MSH6: variants seen among roughly 807,000 people sequenced by gnomAD.
The protein encoded by MSH6 is mutS homolog 6, also known as DNA mismatch repair protein Msh6.
A neutral mutation model predicts 119.1 loss-of-function variants in MSH6; 85 were observed. The observed-to-expected ratio is 0.71, with a 90% CI of 0.60 to 0.85. The LOEUF (loss-of-function observed/expected upper bound fraction) is 0.85, where lower values mean the gene tolerates loss of function less well. MSH6 is among the 40% of genes least tolerant of loss of function. The pLI is 0.00. For missense variants in MSH6, 2,163 were observed against 1,655.3 expected (o/e 1.31, Z -5.32); for synonymous variants, 830 against 586.9 (o/e 1.41, Z -5.99).
Position 47,800,081 on chromosome 2 carries a change from C to A in MSH6, c.2098C>A (p.Leu700Ile), listed in dbSNP as rs587779230. Residue 700 changes from leucine (L) to isoleucine (I), a missense_variant, in exon 4 of 10, where the codon CTT becomes ATT. Leu to Ile is a conservative substitution (Grantham distance 5). Coordinates refer to ENST00000234420, the MANE Select transcript of MSH6 (RefSeq NM_000179.3). ...YLKKCLIDQE[L>I]LSMANFEEYI... ...CAAAAAATGCCTTATTGATCAGGAG[C>A]TTTTATCAATGGCTAATTTTGAAGA... 6.2e-7 allele frequency: 1 copy of A among 1,614,094 alleles called. No homozygotes were observed. The highest frequency in any genetic ancestry group is 8.5e-7 in the Non-Finnish European group (1 of 1,180,026).
chr2:47,804,859 A>T (rs984565395), intron 5 of MSH6, 51 bp from the exon 6 acceptor site: 2 of 1,395,900 alleles, frequency 1.4e-6, no homozygotes, highest in East Asian at 2.3e-5. Context: ...ACAAAAGTTT[A>T]TGAAACTGTT....
In MSH6 at chr2:47,783,225, G is replaced by A. The variant is rs1558644641; in HGVS notation, c.-9G>A. ...CCGACAGAACGGTTGGGCCTTGCCG[G>A]CTGTCGGTATGTCGCGACAGAGCAC... On this transcript the variant is annotated 5_prime_UTR_variant, in exon 1 of 10. Transcript: ENST00000234420. 5.0e-6 allele frequency: 8 copies of A among 1,611,164 alleles called. No individual in the cohort carries two copies. The highest frequency in any genetic ancestry group is 6.8e-6 in the Non-Finnish European group (8 of 1,179,306).
chr2:47,801,360 A>ATTTTTTTTTTT (rs1220786181), intron 4 of MSH6: 82 of 58,314 alleles, frequency 1.4e-3, no homozygotes, highest in East Asian at 2.1e-3. Flanking sequence ...GCCTTTCTTC[A>ATTTTTTTTTTT]GTTTTTTTTT....
chr2:47,784,588 G>C (rs114513560), intron 1 of MSH6: 3 of 151,778 alleles, frequency 2.0e-5, no homozygotes, highest in Non-Finnish European at 4.4e-5. Flanking sequence ...TCAGCCTCCC[G>C]AGTAGTCGGG....
In MSH6 at chr2:47,791,000, A is replaced by T. The variant is rs864622397; in HGVS notation, c.334A>T (p.Asn112Tyr). The T allele has an allele frequency of 6.2e-7, 1 of 1,614,238 alleles. No individual in the cohort carries two copies. Among genetic ancestry groups the T allele is most frequent in the Non-Finnish European group, 8.5e-7 (1 of 1,180,050 alleles). The change falls in exon 2 of 10, where the codon AAC becomes TAC. Residue 112 changes from asparagine (N) to tyrosine (Y), a missense_variant. Asn to Tyr is a moderately radical substitution (Grantham distance 143). Coordinates refer to ENST00000234420, the MANE Select transcript of MSH6 (RefSeq NM_000179.3). ...CCCCTGGTGGCCTTGTCTGGTTTAC[A>T]ACCACCCCTTTGATGGAACATTCAT... Reference protein sequence around the residue: ...GYPWWPCLVYNHPFDGTFIRE... With the variant: ...GYPWWPCLVYYHPFDGTFIRE...
intron 3 of MSH6, among the ~76,000 whole-genome samples, chr2:47,796,592 A>C (rs762157423): frequency 8.5e-5 from 13 of 152,224 alleles, no homozygotes; most frequent in Non-Finnish European, 1.3e-4. Flanking sequence ...TTTTGCATTC[A>C]TAAGAATAGA....
In MSH6 at chr2:47,783,372, G is replaced by A. The variant is rs2103938286; in HGVS notation, c.139G>A (p.Asp47Asn). The change falls in exon 1 of 10, where the codon GAT becomes AAT. Residue 47 changes from aspartate to asparagine, a missense_variant. Asp to Asn is a conservative substitution (Grantham distance 23). Coordinates refer to ENST00000234420, the MANE Select transcript of MSH6 (RefSeq NM_000179.3). ...CGGGGCCTCTCCTTCCCCAGGCGGG[G>A]ATGCGGCCTGGAGCGAGGCTGGGCC... ...APGASPSPGG[D>N]AAWSEAGPGP... 2 of 1,600,204 alleles carry A rather than the reference G, an allele frequency of 1.2e-6. No homozygotes were observed. Among genetic ancestry groups the A allele is most frequent in the Non-Finnish European group, 1.7e-6 (2 of 1,173,488 alleles).
chr2:47,788,907 C>CTTTTTT lies in MSH6; in HGVS notation c.261-2011_261-2006dup, dbSNP rs1558650117. Among the ~76,000 whole-genome samples the CTTTTTT allele has an allele frequency of 2.3e-3, 39 of 17,274 alleles. 2 individuals are homozygous for CTTTTTT. The highest frequency in any genetic ancestry group is 2.9e-3 in the Non-Finnish European group (28 of 9,776). 11.3% of individuals were successfully genotyped at this position (17,274 alleles called of 152,430 possible). Reference sequence around the variant, plus strand: ...CTATTTCTTTCTTTCTTTCTTCTTCCTTTTTTTTTTTTTTGTTTTTTTTTT... The same window carrying CTTTTTT: ...CTATTTCTTTCTTTCTTTCTTCTTCCTTTTTTTTTTTTTTTTTTTTGTTTTTTTTTT... On this transcript the variant is annotated intron_variant, in intron 1 of 9. Transcript: ENST00000234420.
intron 1 of MSH6, among the ~76,000 whole-genome samples, chr2:47,788,847 T>C (rs1014580762): frequency 6.1e-5 from 9 of 147,118 alleles, no homozygotes; most frequent in African/African-American, 2.2e-4. Flanking sequence ...GCTGGGATTA[T>C]AGGAGTGAGC....
At chr2:47,805,789 G>A in intron 7 of MSH6, 82 bp downstream of exon 7, 1 of 1,103,608 alleles carries the variant, frequency 9.1e-7, no homozygotes, top group East Asian at 2.4e-5. Context: ...AAGATTATCT[G>A]AAGTACATTT....
downstream of MSH6, chr2:47,808,599 C>T: frequency 1.9e-6 from 1 of 520,312 alleles, no homozygotes; most frequent in Middle Eastern, 5.0e-4. Flanking sequence ...AAGTGATTTT[C>T]CTGTCATCTG....
chr2:47,801,361 GTTTTTTTTTTTTT>G, intron 4 of MSH6: 2 of 88,142 alleles, frequency 2.3e-5, no homozygotes, highest in Non-Finnish European at 1.9e-5. Context: ...CCTTTCTTCA[GTTTTTTTTTTTTT>G]TTTTTTTTTT....
chr2:47,801,320 G>A, intron 4 of MSH6, 165 bp downstream of exon 4: 1 of 370,612 alleles, frequency 2.7e-6, no homozygotes, highest in Non-Finnish European at 4.7e-6. Flanking sequence ...TAAGTTACTT[G>A]AAACTCGCTT....
In MSH6 at chr2:47,800,772, A is replaced by C; in HGVS notation, c.2789A>C (p.Lys930Thr). The change falls in exon 4 of 10, where the codon AAA (lysine) becomes ACA (threonine). Residue 930 changes from lysine to threonine, a missense_variant. Physicochemically the swap from Lys to Thr is moderately conservative, Grantham distance 78 (BLOSUM62 -1). Coordinates refer to ENST00000234420, the MANE Select transcript of MSH6 (RefSeq NM_000179.3). Reference sequence around the variant, plus strand: ...CGAAAGACTGGACTTATTACTCCCAAAGCAGGCTTTGACTCTGATTATGAC... The same window carrying C: ...CGAAAGACTGGACTTATTACTCCCACAGCAGGCTTTGACTCTGATTATGAC... ...KARKTGLITPKAGFDSDYDQA... is the reference protein window; with the variant it reads ...KARKTGLITPTAGFDSDYDQA... The C allele has an allele frequency of 6.2e-7, 1 of 1,614,194 alleles. No individual in the cohort carries two copies. Among genetic ancestry groups the C allele is most frequent in the East Asian group, 2.2e-5 (1 of 44,876 alleles).
intron 6 of MSH6, 110 bp downstream of exon 6, chr2:47,805,137 G>T: frequency 1.3e-6 from 1 of 789,412 alleles, no homozygotes; most frequent in Non-Finnish European, 2.2e-6. Flanking sequence ...TTTTTCTGGT[G>T]TTACTTTAAA....
In MSH6 at chr2:47,806,181, T is replaced by G. The variant is rs114663863; in HGVS notation, c.3647-23T>G. On this transcript the variant is annotated intron_variant, in intron 7 of 9. Coordinates refer to ENST00000234420, the MANE Select transcript of MSH6 (RefSeq NM_000179.3). The stretch of plus-strand genomic sequence containing the variant: ...GTTTTAATTCCTTTGAGTTACTTCC[T>G]TATGCATATTTTACTTTAACAGGAA... 4 of 1,612,016 alleles carry G rather than the reference T, an allele frequency of 2.5e-6. No individual in the cohort carries two copies. The African/African-American group carries it at 5.3e-5, about 21-fold the overall frequency.
chr2:47,807,426 G>A, downstream of MSH6: 1 of 205,476 alleles, frequency 4.9e-6, no homozygotes, highest in Non-Finnish European at 1.0e-5. Context: ...GGGAAGGGAA[G>A]GAAATAATAG....
chr2:47,808,291 A>G, downstream of MSH6: 3 of 1,612,742 alleles, frequency 1.9e-6, no homozygotes, highest in Non-Finnish European at 2.5e-6. Context: ...TGAGGGGGAA[A>G]GTAATTGGGT....
intron 1 of MSH6, among the ~76,000 whole-genome samples, chr2:47,788,785 T>C (rs1228252970): frequency 6.6e-6 from 1 of 151,410 alleles, no homozygotes; most frequent in African/African-American, 2.4e-5. Context: ...TTGGCCAGGC[T>C]GGTCTTGAAC....
Sources: allele counts gnomAD v4.1 joint callset (sites outside exome capture counted in the v4.1 genomes callset), GRCh38; gene constraint gnomAD v4.1.1; transcripts MANE v1.5; gene names NCBI Gene and HGNC (gene_info 2026-07-23, HGNC 2026-07-21).